FGD6: variants seen among roughly 807,000 people sequenced by gnomAD.
FGD6 encodes FYVE, RhoGEF and PH domain-containing protein 6.
A neutral mutation model predicts 149.4 loss-of-function variants in FGD6; 90 were observed. The observed-to-expected ratio is 0.60, with a 90% CI of 0.51 to 0.72. The LOEUF is 0.72. Among genes scored for constraint, FGD6 ranks in the 30% least tolerant of loss-of-function variants. The pLI, the probability that FGD6 is intolerant of heterozygous loss-of-function variation, is 0.00. For missense variants in FGD6, 1,437 were observed against 1,684.8 expected (o/e 0.85, Z 2.57); for synonymous variants, 527 against 584.0 (o/e 0.90, Z 1.41).
intron 19 of FGD6, chr12:95,085,455 C>T (rs560064515): frequency 9.4e-5 from 27 of 288,576 alleles, no homozygotes; most frequent in Middle Eastern, 9.9e-4. Context: ...CACCCCCACT[C>T]AGCCTCCCAA....
At position 95,152,845 on chromosome 12, in the gene FGD6, T is replaced by A. The variant is rs191808719; in HGVS notation, c.2655-4A>T. 1.1e-3 allele frequency: 1,804 copies of A among 1,613,428 alleles called. 22 individuals are homozygous for A. In the African/African-American group the frequency reaches 0.022, roughly 20 times the overall value. ...AAGTTTTAACACATCCACAAACCTG[T>A]AAAAAACAACAATGAAAAAAATGTT... is the stretch of plus-strand genomic sequence containing the variant. On this transcript the variant is annotated splice_region_variant and splice_polypyrimidine_tract_variant and intron_variant, in intron 4 of 20. Coordinates refer to ENST00000343958, the MANE Select transcript of FGD6 (RefSeq NM_018351.4).
chr12:95,180,539 C>G (rs927312267), intron 2 of FGD6, among the ~76,000 whole-genome samples: 1 of 151,796 alleles, frequency 6.6e-6, no homozygotes. Context: ...ACAACAGGTG[C>G]GTGCCACCAC....
At chr12:95,151,645 C>G (rs2136272590) in intron 5 of FGD6, among the ~76,000 whole-genome samples, 1 of 152,244 alleles carries the variant, frequency 6.6e-6, no homozygotes, top group South Asian at 2.1e-4. Context: ...CTAAGTGTAA[C>G]TTACTTTTCA....
At chr12:95,186,135 C>T (rs1881421949) in intron 2 of FGD6, among the ~76,000 whole-genome samples, 1 of 151,128 alleles carries the variant, frequency 6.6e-6, no homozygotes, top group South Asian at 2.1e-4. Context: ...CCTAATATCT[C>T]ACACATACAT....
At chr12:95,085,047 G>C (rs1273884753) in intron 19 of FGD6, among the ~76,000 whole-genome samples, 1 of 152,082 alleles carries the variant, frequency 6.6e-6, no homozygotes, top group African/African-American at 2.4e-5. Flanking sequence ...TGGAACACAG[G>C]GTGATCAGGT....
chr12:95,144,412 G>C (rs991482748), intron 5 of FGD6, among the ~76,000 whole-genome samples: 6 of 142,442 alleles, frequency 4.2e-5, no homozygotes, highest in Admixed American at 2.7e-4. Context: ...TTTTTTTTGA[G>C]ACAGAGTTTC....
intron 9 of FGD6, among the ~76,000 whole-genome samples, chr12:95,112,811 G>A (rs1486882996): frequency 6.6e-6 from 1 of 152,164 alleles, no homozygotes; most frequent in Non-Finnish European, 1.5e-5. Flanking sequence ...GTAATGGATT[G>A]TTTCCCTTAA....
At chr12:95,199,816 G>T (rs1881824755) in intron 2 of FGD6, among the ~76,000 whole-genome samples, 1 of 152,006 alleles carries the variant, frequency 6.6e-6, no homozygotes, top group Non-Finnish European at 1.5e-5. Flanking sequence ...CATTGGCCAG[G>T]CTAGTCTCGA....
chr12:95,207,357 CTT>C (rs2056697848), intron 2 of FGD6, among the ~76,000 whole-genome samples: 2 of 152,162 alleles, frequency 1.3e-5, no homozygotes, highest in African/African-American at 4.8e-5. Flanking sequence ...ATTACCCAGT[CTT>C]GAGTATGTTT....
In FGD6 at chr12:95,167,560, T is replaced by A. The variant is rs76807147; in HGVS notation, c.2586+5040A>T. 6.0e-3 allele frequency among the ~76,000 whole-genome samples: 872 copies of A among 145,358 alleles called. 9 individuals carry two copies. Among genetic ancestry groups the A allele is most frequent in the African/African-American group, 0.021 (828 of 39,194 alleles). ...CAGATTCTTAAGCCTGGGTGATTGA[T>A]CTTTTTACTGTTTGAGGTTTTTTTT... is the stretch of plus-strand genomic sequence containing the variant. On this transcript the variant is annotated intron_variant, in intron 3 of 20. Coordinates refer to ENST00000343958, the MANE Select transcript of FGD6 (RefSeq NM_018351.4).
intron 20 of FGD6, 112 bp downstream of exon 20, chr12:95,084,386 C>G: frequency 1.2e-6 from 1 of 847,664 alleles, no homozygotes; most frequent in Non-Finnish European, 1.7e-6. Context: ...TAATTAAAAT[C>G]TCTGATGTAA....
chr12:95,107,546 T>G lies in FGD6; in HGVS notation c.3333+17A>C. 1 of 1,613,700 alleles carries G rather than the reference T, an allele frequency of 6.2e-7. No individual in the cohort carries two copies. On this transcript the variant is annotated intron_variant, in intron 12 of 20. Transcript: ENST00000343958. ...ATCCCTACCTCGGCCACATCAGAAC[T>G]ACACAAGTCCTCTTACCAGGAAAAA...
chr12:95,115,711 G>T (rs1878987054), intron 8 of FGD6, among the ~76,000 whole-genome samples: 1 of 152,158 alleles, frequency 6.6e-6, no homozygotes, highest in African/African-American at 2.4e-5. Flanking sequence ...TTATGGAATA[G>T]ATACAACTTC....
intron 14 of FGD6, 141 bp from the exon 15 acceptor site, chr12:95,094,835 G>A (rs1253418073): frequency 6.3e-6 from 4 of 635,448 alleles, no homozygotes; most frequent in Non-Finnish European, 5.6e-6. Flanking sequence ...CAGAGTTGAG[G>A]CAGGTTTAGT....
intron 3 of FGD6, among the ~76,000 whole-genome samples, chr12:95,156,263 C>T (rs1300917218): frequency 6.6e-6 from 1 of 152,136 alleles, no homozygotes; most frequent in Non-Finnish European, 1.5e-5. Flanking sequence ...CTTTCAAAAG[C>T]AAATGGGAGA....
Position 95,079,540 on chromosome 12 carries a change from GTTT to G in FGD6, c.*1977_*1979del, listed in dbSNP as rs1813619996. 3 of 152,192 alleles carry G rather than the reference GTTT, an allele frequency of 2.0e-5. No homozygotes were observed. The highest frequency in any genetic ancestry group is 2.0e-4 in the Admixed American group (3 of 15,272). The allele number at this position is 152,192 out of a possible 1,614,324, so 9.4% of individuals were successfully genotyped here. On this transcript the variant is annotated 3_prime_UTR_variant, in exon 21 of 21. Coordinates refer to ENST00000343958, the MANE Select transcript of FGD6 (RefSeq NM_018351.4). ...TTGCTAAATGCCAGACGCAGAAACAGTTTATAAGGTACAACTTTAGCCTCCAAA... is the reference window on the plus strand; with the variant it reads ...TTGCTAAATGCCAGACGCAGAAACAGATAAGGTACAACTTTAGCCTCCAAA...
chr12:95,163,840 C>A (rs899094140), intron 3 of FGD6, among the ~76,000 whole-genome samples: 6 of 151,996 alleles, frequency 3.9e-5, no homozygotes, highest in African/African-American at 1.5e-4. Flanking sequence ...AGAAATAAGT[C>A]AATGGATTAT....
intron 3 of FGD6, among the ~76,000 whole-genome samples, chr12:95,172,038 G>GTGGGGA (rs1555221385): frequency 7.3e-6 from 1 of 136,554 alleles, no homozygotes; most frequent in Non-Finnish European, 1.6e-5. Context: ...AATTCTAAGG[G>GTGGGGA]GGGGGGGGTT....
chr12:95,184,564 T>C (rs550768839), intron 2 of FGD6, among the ~76,000 whole-genome samples: 13 of 144,494 alleles, frequency 9.0e-5, no homozygotes, highest in African/African-American at 3.3e-4. Context: ...GGAAAAGACA[T>C]GGATTTCTTC....
Sources: gnomAD v4.1 joint callset for allele counts (sites outside exome capture counted in the v4.1 genomes callset) on GRCh38, gnomAD v4.1.1 for gene constraint, MANE v1.5 for transcripts, NCBI Gene and HGNC (gene_info 2026-07-23, HGNC 2026-07-21) for gene names.